Variants in CHN1 observed in about 807,000 individuals in gnomAD.
CHN1 encodes N-chimaerin.
A neutral mutation model predicts 59.5 loss-of-function variants in CHN1; 37 were observed. That is an observed-to-expected ratio of 0.62 (90% CI 0.48 to 0.82). The LOEUF (loss-of-function observed/expected upper bound fraction) is 0.82, where lower values mean the gene tolerates loss of function less well. Ranked by LOEUF, CHN1 falls within the 40% of genes least tolerant of loss-of-function variation. The probability of loss-of-function intolerance (pLI) is 0.00; values close to 1 mark genes in which losing one functional copy is unlikely to be tolerated. For missense variants in CHN1, 469 were observed against 571.0 expected, an observed-to-expected ratio of 0.82 and a Z score of 1.82; for synonymous variants, 206 against 200.4, an observed-to-expected ratio of 1.03 and a Z score of -0.24.
chr2:174,995,976 A>C (rs112485288), intron 1 of CHN1, among the ~76,000 whole-genome samples: 1 of 152,156 alleles, frequency 6.6e-6, no homozygotes, highest in Non-Finnish European at 1.5e-5. Context: ...AGTTACTGTT[A>C]ATCTCTTACT....
intron 7 of CHN1, among the ~76,000 whole-genome samples, chr2:174,830,376 A>G (rs894222530): frequency 6.6e-6 from 1 of 152,224 alleles, no homozygotes; most frequent in African/African-American, 2.4e-5. Context: ...AGAGTACTTA[A>G]ATTAGGAGGA....
intron 3 of CHN1, among the ~76,000 whole-genome samples, chr2:174,926,859 G>A (rs1195820692): frequency 1.3e-5 from 2 of 151,608 alleles, no homozygotes; most frequent in South Asian, 2.1e-4. Context: ...CCAGGTTCAC[G>A]CCATTCTCCT....
intron 3 of CHN1, among the ~76,000 whole-genome samples, chr2:174,935,178 G>A (rs1248015324): frequency 1.3e-5 from 2 of 152,160 alleles, no homozygotes; most frequent in African/African-American, 4.8e-5. Flanking sequence ...GCATACATAT[G>A]TATCAAGGTA....
At chr2:174,927,001 G>C (rs1040511528) in intron 3 of CHN1, among the ~76,000 whole-genome samples, 1 of 152,016 alleles carries the variant, frequency 6.6e-6, no homozygotes, top group African/African-American at 2.4e-5. Context: ...CTCGTGATCT[G>C]CCCGCCTCAG....
At chr2:174,912,065 T>C (rs936776790) in intron 5 of CHN1, among the ~76,000 whole-genome samples, 2 of 152,110 alleles carry the variant, frequency 1.3e-5, no homozygotes, top group African/African-American at 4.8e-5. Context: ...ATCATTATCA[T>C]ACAGGTACAG....
chr2:174,920,903 A>G (rs112262371), intron 3 of CHN1: 6 of 422,830 alleles, frequency 1.4e-5, no homozygotes, highest in Non-Finnish European at 2.4e-5. Context: ...TCCTGCAACT[A>G]GACGGCCCCA....
intron 7 of CHN1, among the ~76,000 whole-genome samples, chr2:174,832,069 C>T (rs990361731): frequency 2.0e-5 from 3 of 152,058 alleles, no homozygotes; most frequent in Non-Finnish European, 2.9e-5. Flanking sequence ...GCTAAGTCTG[C>T]ATTAATATAT....
chr2:174,992,465 G>T (rs867522235), intron 1 of CHN1, among the ~76,000 whole-genome samples: 1 of 152,134 alleles, frequency 6.6e-6, no homozygotes, highest in Non-Finnish European at 1.5e-5. Context: ...AAGGAATAGC[G>T]GCAGAAAACA....
chr2:174,944,034 C>T (rs949947256), intron 3 of CHN1, among the ~76,000 whole-genome samples: 1 of 152,128 alleles, frequency 6.6e-6, no homozygotes, highest in Non-Finnish European at 1.5e-5. Flanking sequence ...CATTTTATAT[C>T]TGGAAATCTT....
chr2:174,811,940 A>T (rs1453370130), intron 9 of CHN1, among the ~76,000 whole-genome samples: 1 of 128,688 alleles, frequency 7.8e-6, no homozygotes, highest in Non-Finnish European at 1.6e-5. Context: ...ATTAGGATGC[A>T]GCTCTGTTTT....
chr2:174,942,263 G>A (rs1232579539), intron 3 of CHN1, among the ~76,000 whole-genome samples: 1 of 152,096 alleles, frequency 6.6e-6, no homozygotes, highest in African/African-American at 2.4e-5. Context: ...CAACCTAAGT[G>A]TCCATCAACA....
rs139696416 is a variant in CHN1 at position 174,824,314 on chromosome 2, T to A, written c.712+120A>T. ...CTGCCTGAGAATCTGGCCTACTGCA[T>A]GTGCATAAGACCAAACCAGGATCCA... On this transcript the variant is annotated intron_variant, in intron 8 of 12. Coordinates refer to ENST00000409900, the MANE Select transcript of CHN1 (RefSeq NM_001822.7). The A allele has an allele frequency of 1.2e-3, 756 of 605,186 alleles. 8 individuals carry two copies. In the East Asian group the frequency reaches 0.023, roughly 18 times the overall value. The allele number at this position is 605,186 out of a possible 1,614,324, so 37.5% of individuals were successfully genotyped here.
At chr2:174,886,478 TCTC>T (rs1294060053) in intron 5 of CHN1, among the ~76,000 whole-genome samples, 2 of 152,228 alleles carry the variant, frequency 1.3e-5, no homozygotes, top group Non-Finnish European at 2.9e-5. Context: ...TTAACTGTGT[TCTC>T]CTTCCAATTC....
intron 10 of CHN1, among the ~76,000 whole-genome samples, chr2:174,810,680 G>A (rs940708745): frequency 6.6e-6 from 1 of 152,104 alleles, no homozygotes; most frequent in African/African-American, 2.4e-5. Flanking sequence ...ACATACATGG[G>A]CTGGCCTAGT....
chr2:174,886,949 T>C (rs570946277), intron 5 of CHN1, among the ~76,000 whole-genome samples: 5 of 152,342 alleles, frequency 3.3e-5, no homozygotes, highest in Non-Finnish European at 7.3e-5. Context: ...GCAGAACATT[T>C]CCAATACCTC....
chr2:174,839,934 T>C (rs372329232), intron 7 of CHN1, among the ~76,000 whole-genome samples: 2 of 150,518 alleles, frequency 1.3e-5, no homozygotes, highest in African/African-American at 4.9e-5. Context: ...GTAGATCTCA[T>C]GTGACATGTT....
chr2:174,897,497 T>C (rs1645872941), intron 5 of CHN1, among the ~76,000 whole-genome samples: 1 of 146,028 alleles, frequency 6.8e-6, no homozygotes, highest in Non-Finnish European at 1.5e-5. Flanking sequence ...GACGTGTTTG[T>C]TCTATTGGCA....
chr2:174,980,397 C>G (rs369671221), intron 1 of CHN1, among the ~76,000 whole-genome samples: 1 of 152,132 alleles, frequency 6.6e-6, no homozygotes. Context: ...TATTTAGTTC[C>G]ACTTCTTTGC....
At chr2:174,977,306 T>C (rs1039144099) in intron 1 of CHN1, among the ~76,000 whole-genome samples, 8 of 152,226 alleles carry the variant, frequency 5.3e-5, no homozygotes, top group African/African-American at 1.7e-4. Context: ...ACATTTCTTC[T>C]ATATAATCAA....
Sources: allele counts gnomAD v4.1 joint callset (sites outside exome capture counted in the v4.1 genomes callset), GRCh38; gene constraint gnomAD v4.1.1; transcripts MANE v1.5; gene names NCBI Gene and HGNC (gene_info 2026-07-23, HGNC 2026-07-21).